The following PDSS2 variants were observed in gnomAD, a reference collection of about 807,000 sequenced individuals.
PDSS2 encodes the protein decaprenyl diphosphate synthase subunit 2.
A neutral mutation model predicts 44.5 loss-of-function variants in PDSS2; 31 were observed. The observed-to-expected ratio is 0.70, with a 90% CI of 0.52 to 0.94. The LOEUF is 0.94. Ranked by LOEUF, PDSS2 falls within the 40% of genes least tolerant of loss-of-function variation. PDSS2 has a pLI of 0.00. For missense variants in PDSS2, 452 were observed against 482.2 expected (o/e 0.94, Z 0.59); for synonymous variants, 157 against 180.3 (o/e 0.87, Z 1.03).
chr6:107,402,554 A>AT (rs1337717601), intron 1 of PDSS2, among the ~76,000 whole-genome samples: 2,906 of 61,714 alleles, frequency 0.047, 71 homozygotes, highest in African/African-American at 0.082. Flanking sequence ...TATATATATA[A>AT]AAATATATAT....
chr6:107,408,951 A>G (rs895555598), intron 1 of PDSS2, among the ~76,000 whole-genome samples: 10 of 152,208 alleles, frequency 6.6e-5, no homozygotes, highest in African/African-American at 2.2e-4. Context: ...ATTCCCTGAG[A>G]GCAAGGCAGC....
intron 4 of PDSS2, among the ~76,000 whole-genome samples, chr6:107,223,803 G>A (rs1425256562): frequency 2.7e-5 from 4 of 147,132 alleles, no homozygotes; most frequent in African/African-American, 1.0e-4. Flanking sequence ...TGTAAATCAA[G>A]CCCTTTAATA....
chr6:107,349,526 A>T lies in PDSS2; in HGVS notation c.297-15194T>A, dbSNP rs557555790. Among the ~76,000 whole-genome samples the T allele has an allele frequency of 7.9e-5, 12 of 152,210 alleles. No individual in the cohort carries two copies. In the East Asian group the frequency reaches 2.1e-3, roughly 27 times the overall value. On this transcript the variant is annotated intron_variant, in intron 1 of 7. Transcript: ENST00000369037. ...CACTTTGGGAGGCCGAGGCGGATGGATCACCTGAGGTCAGGAGTTCGAGAT... is the reference window on the plus strand; with the variant it reads ...CACTTTGGGAGGCCGAGGCGGATGGTTCACCTGAGGTCAGGAGTTCGAGAT...
intron 1 of PDSS2, among the ~76,000 whole-genome samples, chr6:107,372,243 C>T (rs1428434581): frequency 6.6e-6 from 1 of 151,988 alleles, no homozygotes; most frequent in East Asian, 1.9e-4. Context: ...TTTTTTCACC[C>T]TGGTTTTTGG....
At chr6:107,457,088 G>A (rs1782069274) in intron 1 of PDSS2, among the ~76,000 whole-genome samples, 1 of 152,078 alleles carries the variant, frequency 6.6e-6, no homozygotes, top group Non-Finnish European at 1.5e-5. Context: ...TGATAACTGG[G>A]AACGATGCCA....
chr6:107,308,116 A>G (rs1776920659), intron 2 of PDSS2, among the ~76,000 whole-genome samples: 1 of 152,320 alleles, frequency 6.6e-6, no homozygotes, highest in Non-Finnish European at 1.5e-5. Flanking sequence ...CTCAATTCAG[A>G]TTACATATAA....
At chr6:107,273,908 G>A (rs1280831718) in intron 3 of PDSS2, 121 bp downstream of exon 3, 1 of 769,786 alleles carries the variant, frequency 1.3e-6, no homozygotes, top group East Asian at 2.5e-5. Flanking sequence ...CAGTTTTACT[G>A]TTTACTGAGC....
At chr6:107,332,407 G>C (rs1314184982) in intron 2 of PDSS2, among the ~76,000 whole-genome samples, 1 of 152,096 alleles carries the variant, frequency 6.6e-6, no homozygotes, top group Non-Finnish European at 1.5e-5. Context: ...CACCTGGCCT[G>C]TAAGGTAAAC....
At chr6:107,185,632 T>C (rs1772139884) in intron 7 of PDSS2, among the ~76,000 whole-genome samples, 1 of 152,206 alleles carries the variant, frequency 6.6e-6, no homozygotes, top group African/African-American at 2.4e-5. Flanking sequence ...CGTTTGTCGA[T>C]GTTTTTCTAA....
At position 107,431,774 on chromosome 6, in the gene PDSS2, AAC is replaced by A. The variant is rs1236252159; in HGVS notation, c.296+27214_296+27215del. Among the ~76,000 whole-genome samples, 6 of 152,364 alleles carry A rather than the reference AAC, an allele frequency of 3.9e-5. No individual in the cohort carries two copies. The East Asian group carries it at 1.2e-3, about 29-fold the overall frequency. On this transcript the variant is annotated intron_variant, in intron 1 of 7. Coordinates refer to ENST00000369037, the MANE Select transcript of PDSS2 (RefSeq NM_020381.4). ...TTAATAACAGTAGCTATATTTATTG[AAC>A]AGTTAATCTAAACATTTTACAATCT... is the stretch of plus-strand genomic sequence containing the variant.
intron 7 of PDSS2, among the ~76,000 whole-genome samples, chr6:107,175,658 C>G (rs553058426): frequency 3.3e-5 from 5 of 152,280 alleles, no homozygotes; most frequent in Admixed American, 3.3e-4. Flanking sequence ...TGTACCTCTA[C>G]TGCAACACAT....
chr6:107,440,068 C>T (rs1260747282), intron 1 of PDSS2, among the ~76,000 whole-genome samples: 1 of 152,142 alleles, frequency 6.6e-6, no homozygotes, highest in African/African-American at 2.4e-5. Context: ...CAGGGATTTC[C>T]TCCCACCAAG....
At chr6:107,184,045 C>T (rs1255137215) in intron 7 of PDSS2, among the ~76,000 whole-genome samples, 5 of 152,012 alleles carry the variant, frequency 3.3e-5, no homozygotes, top group Non-Finnish European at 7.4e-5. Flanking sequence ...TACATCTTTG[C>T]GGGGCTAGAG....
intron 1 of PDSS2, among the ~76,000 whole-genome samples, chr6:107,413,983 A>C (rs922814349): frequency 1.4e-5 from 1 of 70,652 alleles, no homozygotes; most frequent in African/African-American, 4.5e-5. Context: ...GAGGCAGAAA[A>C]TGAATTCTAC....
intron 1 of PDSS2, among the ~76,000 whole-genome samples, chr6:107,447,233 G>A (rs1299332456): frequency 6.6e-6 from 1 of 152,132 alleles, no homozygotes; most frequent in East Asian, 1.9e-4. Context: ...CTACTCAGGA[G>A]GCTGAGGCAG....
intron 1 of PDSS2, among the ~76,000 whole-genome samples, chr6:107,413,757 T>A (rs1202818882): frequency 2.6e-5 from 4 of 152,146 alleles, no homozygotes; most frequent in Non-Finnish European, 4.4e-5. Context: ...GATACAGGAA[T>A]GCATAGAAAA....
At chr6:107,411,876 CTTCTTT>C (rs1171552755) in intron 1 of PDSS2, among the ~76,000 whole-genome samples, 10 of 108,726 alleles carry the variant, frequency 9.2e-5, no homozygotes, top group South Asian at 2.9e-4. Context: ...ACTTCTTCTT[CTTCTTT>C]TTTTTTTTTT....
chr6:107,157,967 G>A (rs1033250220), intron 7 of PDSS2, among the ~76,000 whole-genome samples: 21 of 151,886 alleles, frequency 1.4e-4, no homozygotes, highest in Non-Finnish European at 3.1e-4. Flanking sequence ...CACTGCGCCC[G>A]ACTTAGTGTT....
chr6:107,330,173 C>T (rs1027820145), intron 2 of PDSS2, among the ~76,000 whole-genome samples: 1 of 152,102 alleles, frequency 6.6e-6, no homozygotes, highest in Non-Finnish European at 1.5e-5. Flanking sequence ...AGGCAACTTT[C>T]ATCTTGAATG....
Sources: allele counts gnomAD v4.1 joint callset (sites outside exome capture counted in the v4.1 genomes callset), GRCh38; gene constraint gnomAD v4.1.1; transcripts MANE v1.5; gene names NCBI Gene and HGNC (gene_info 2026-07-23, HGNC 2026-07-21).